EFNB2: variants seen among roughly 807,000 people sequenced by gnomAD.
EFNB2 encodes the protein ephrin B2.
In EFNB2, 5 loss-of-function variants were observed where a neutral mutation model predicts 32.1. The ratio of observed to expected loss-of-function variants is 0.16; its 90% CI spans 0.08 to 0.33. The LOEUF is 0.33. EFNB2 is among the 10% of genes least tolerant of loss of function. The probability of loss-of-function intolerance (pLI) is 1.00; values close to 1 mark genes in which losing one functional copy is unlikely to be tolerated. For missense variants in EFNB2, 263 were observed against 422.6 expected, an observed-to-expected ratio of 0.62 and a Z score of 3.31; for synonymous variants, 168 against 166.5, an observed-to-expected ratio of 1.01 and a Z score of -0.07.
chr13:106,528,781 C>G (rs1424360556), intron 1 of EFNB2, among the ~76,000 whole-genome samples: 1 of 152,174 alleles, frequency 6.6e-6, no homozygotes, highest in Non-Finnish European at 1.5e-5. Flanking sequence ...AAACAAAAGT[C>G]TAGCTTACTT....
At chr13:106,522,545 G>A (rs1312863101) in intron 1 of EFNB2, among the ~76,000 whole-genome samples, 1 of 152,194 alleles carries the variant, frequency 6.6e-6, no homozygotes, top group Non-Finnish European at 1.5e-5. Flanking sequence ...AAGTCATACA[G>A]GGAATGCCTT....
chr13:106,503,235 T>C (rs1878842276), intron 2 of EFNB2, among the ~76,000 whole-genome samples: 1 of 150,868 alleles, frequency 6.6e-6, no homozygotes. Context: ...ATCTCTCAGT[T>C]AAGAAAAAAA....
rs148511990 is a variant in EFNB2 at position 106,497,684 on chromosome 13, T to G, written c.407-1844A>C. 8.5e-4 allele frequency among the ~76,000 whole-genome samples: 130 copies of G among 152,136 alleles called. 3 individuals carry two copies. The Middle Eastern group carries it at 0.017, about 20-fold the overall frequency. On this transcript the variant is annotated intron_variant, in intron 2 of 4. Coordinates refer to ENST00000646441, the MANE Select transcript of EFNB2 (RefSeq NM_004093.4). ...TAGGTATATCTCCTAATGCTATCCC[T>G]CCCCCAGTCCCCCACCTCACGACAG...
At chr13:106,498,522 T>A (rs1157406264) in intron 2 of EFNB2, among the ~76,000 whole-genome samples, 4 of 152,182 alleles carry the variant, frequency 2.6e-5, no homozygotes, top group Non-Finnish European at 5.9e-5. Flanking sequence ...ACCACAAATG[T>A]AAAATCTCTA....
intron 1 of EFNB2, chr13:106,516,635 G>A (rs1394629624): frequency 6.6e-6 from 1 of 152,206 alleles, no homozygotes; most frequent in Non-Finnish European, 1.5e-5. Flanking sequence ...TCATAGATAA[G>A]CCATGAAGTT....
intron 2 of EFNB2, among the ~76,000 whole-genome samples, chr13:106,501,733 C>T (rs1263753633): frequency 6.6e-6 from 1 of 151,968 alleles, no homozygotes; most frequent in African/African-American, 2.4e-5. Context: ...GCTGGGACTA[C>T]AGGAGCCCGC....
intron 1 of EFNB2, chr13:106,520,328 A>G (rs1225804922): frequency 1.3e-5 from 2 of 152,238 alleles, no homozygotes; most frequent in East Asian, 1.9e-4. Flanking sequence ...TTCCGAATGC[A>G]GATGAGCAGT....
At chr13:106,500,291 G>C (rs1374850648) in intron 2 of EFNB2, among the ~76,000 whole-genome samples, 1 of 152,126 alleles carries the variant, frequency 6.6e-6, no homozygotes, top group Non-Finnish European at 1.5e-5. Flanking sequence ...TAATCAGATG[G>C]ACAATCAAAC....
intron 1 of EFNB2, among the ~76,000 whole-genome samples, chr13:106,530,621 A>T (rs965294583): frequency 1.3e-5 from 2 of 152,094 alleles, no homozygotes; most frequent in East Asian, 1.9e-4. Context: ...TTTCCTAAAA[A>T]TTTTTTTATT....
At chr13:106,532,031 T>C (rs1879887276) in intron 1 of EFNB2, among the ~76,000 whole-genome samples, 1 of 145,944 alleles carries the variant, frequency 6.9e-6, no homozygotes, top group Non-Finnish European at 1.5e-5. Context: ...AAACGGAAGC[T>C]AGGCATTACT....
At chr13:106,521,983 G>A (rs188658016) in intron 1 of EFNB2, among the ~76,000 whole-genome samples, 1 of 151,326 alleles carries the variant, frequency 6.6e-6, no homozygotes, top group East Asian at 1.9e-4. Flanking sequence ...TTAAATCTCT[G>A]TCATGAAATT....
chr13:106,528,729 C>A (rs1879781205), intron 1 of EFNB2, among the ~76,000 whole-genome samples: 2 of 152,134 alleles, frequency 1.3e-5, no homozygotes, highest in Admixed American at 1.3e-4. Context: ...GTTTCAATGG[C>A]TTATTTTGTT....
intron 1 of EFNB2, among the ~76,000 whole-genome samples, chr13:106,533,244 C>CG (rs1879942127): frequency 2.7e-5 from 4 of 150,554 alleles, no homozygotes; most frequent in Admixed American, 6.6e-5. Context: ...CGGGCAGCGG[C>CG]GCCGCGGGCT....
At chr13:106,517,526 G>A (rs1316083896) in intron 1 of EFNB2, 9 of 152,166 alleles carry the variant, frequency 5.9e-5, no homozygotes, top group Non-Finnish European at 1.0e-4. Flanking sequence ...CTTCCTGGGA[G>A]GGGAAGGCTG....
At chr13:106,531,883 G>A (rs1324367075) in intron 1 of EFNB2, among the ~76,000 whole-genome samples, 2 of 152,054 alleles carry the variant, frequency 1.3e-5, no homozygotes, top group Non-Finnish European at 2.9e-5. Flanking sequence ...TCAGTGTAAT[G>A]CATTGCAGAA....
chr13:106,502,307 A>G (rs542914575), intron 2 of EFNB2, among the ~76,000 whole-genome samples: 1 of 152,348 alleles, frequency 6.6e-6, no homozygotes, highest in East Asian at 1.9e-4. Context: ...CTTTGCCAGC[A>G]TTGAAATATG....
chr13:106,533,503 G>A (rs1290216534), intron 1 of EFNB2, among the ~76,000 whole-genome samples: 1 of 152,242 alleles, frequency 6.6e-6, no homozygotes, highest in Non-Finnish European at 1.5e-5. Flanking sequence ...TGTTGAAAGT[G>A]CCTTCTAGCA....
chr13:106,531,636 A>G (rs1445081789), intron 1 of EFNB2, among the ~76,000 whole-genome samples: 1 of 152,202 alleles, frequency 6.6e-6, no homozygotes, highest in East Asian at 1.9e-4. Flanking sequence ...TATTTTATCA[A>G]TCTCTGACAG....
At chr13:106,495,502 C>CTATCTATCTAT (rs1566454535) in intron 3 of EFNB2, among the ~76,000 whole-genome samples, 78 of 72,922 alleles carry the variant, frequency 1.1e-3, no homozygotes, top group South Asian at 4.5e-3. Context: ...TATCTATTAT[C>CTATCTATCTAT]TATCTATCTA....
Sources: allele counts gnomAD v4.1 joint callset (sites outside exome capture counted in the v4.1 genomes callset), GRCh38; gene constraint gnomAD v4.1.1; transcripts MANE v1.5; gene names NCBI Gene and HGNC (gene_info 2026-07-23, HGNC 2026-07-21).